Variants in NXN observed in about 807,000 individuals in gnomAD.
NXN encodes nucleoredoxin 1.
In NXN, 16 loss-of-function variants were observed where a neutral mutation model predicts 48.6. That is an observed-to-expected ratio of 0.33 (90% confidence interval 0.22 to 0.50). NXN has a LOEUF of 0.50. Among genes scored for constraint, NXN ranks in the 20% least tolerant of loss-of-function variants. NXN has a pLI of 0.98. For synonymous variants in NXN, 281 were observed against 269.6 expected (o/e 1.04, Z -0.41); for missense variants, 492 against 605.5 (o/e 0.81, Z 1.97).
chr17:974,392 C>G (rs537027220), intron 1 of NXN, among the ~76,000 whole-genome samples: 1 of 152,028 alleles, frequency 6.6e-6, no homozygotes, highest in South Asian at 2.1e-4. Context: ...TATGGATATA[C>G]CTCATAACCG....
At chr17:923,267 A>T (rs56672662) in intron 1 of NXN, among the ~76,000 whole-genome samples, 2,294 of 152,090 alleles carry the variant, frequency 0.015, 73 homozygotes, top group African/African-American at 0.053. Flanking sequence ...GTTTACATCC[A>T]CCTGGGTGCC....
At chr17:864,514 G>A (rs777554280) in intron 1 of NXN, among the ~76,000 whole-genome samples, 2 of 152,158 alleles carry the variant, frequency 1.3e-5, no homozygotes, top group East Asian at 3.8e-4. Context: ...CCGTTCAAAC[G>A]GCTGCCCTGG....
chr17:916,805 G>T (rs1454882721), intron 1 of NXN, among the ~76,000 whole-genome samples: 1 of 152,176 alleles, frequency 6.6e-6, no homozygotes, highest in African/African-American at 2.4e-5. Flanking sequence ...GGCTGAGGCA[G>T]GAGAATCACT....
At chr17:881,397 G>A (rs188837330) in intron 1 of NXN, among the ~76,000 whole-genome samples, 1 of 152,214 alleles carries the variant, frequency 6.6e-6, no homozygotes, top group African/African-American at 2.4e-5. Flanking sequence ...CACCACACTC[G>A]AAAATTTTCC....
intron 1 of NXN, among the ~76,000 whole-genome samples, chr17:935,463 G>A (rs754482981): frequency 1.3e-5 from 2 of 152,142 alleles, no homozygotes; most frequent in East Asian, 1.9e-4. Context: ...CATGGCCGGC[G>A]GGACAAGGAG....
intron 6 of NXN, among the ~76,000 whole-genome samples, chr17:804,334 G>A (rs963484224): frequency 2.0e-4 from 29 of 144,730 alleles, no homozygotes; most frequent in Admixed American, 7.1e-5. Context: ...CCAGGCTGGA[G>A]TGCAGTGGTG....
At chr17:883,588 C>T (rs604229) in intron 1 of NXN, among the ~76,000 whole-genome samples, 18,496 of 152,272 alleles carry the variant, frequency 0.12, 1,300 homozygotes, top group South Asian at 0.23. Context: ...CTCTGGTCTC[C>T]TCTCCATGAA....
At chr17:819,257 A>G (rs1912672071) in intron 5 of NXN, 182 bp downstream of exon 5, 4 of 642,936 alleles carry the variant, frequency 6.2e-6, no homozygotes, top group Non-Finnish European at 1.1e-5. Context: ...GACAATACTT[A>G]TTTTTTAAAA....
chr17:826,399 G>A (rs1321764956), intron 1 of NXN, among the ~76,000 whole-genome samples: 1 of 152,164 alleles, frequency 6.6e-6, no homozygotes, highest in African/African-American at 2.4e-5. Context: ...AACAGCATAG[G>A]GGACTCAGAG....
At chr17:854,480 C>T (rs2144759118) in intron 1 of NXN, among the ~76,000 whole-genome samples, 1 of 149,620 alleles carries the variant, frequency 6.7e-6, no homozygotes, top group East Asian at 2.0e-4. Flanking sequence ...AACCCTGTCT[C>T]TACTAAAAAA....
chr17:812,790 A>G (rs990112009), intron 5 of NXN, among the ~76,000 whole-genome samples: 24 of 132,462 alleles, frequency 1.8e-4, no homozygotes, highest in Non-Finnish European at 3.0e-4. Flanking sequence ...GCATGTGTGT[A>G]GGTGTGTGTG....
intron 1 of NXN, among the ~76,000 whole-genome samples, chr17:963,844 G>A (rs1329650068): frequency 3.9e-5 from 6 of 152,148 alleles, no homozygotes; most frequent in Admixed American, 6.5e-5. Flanking sequence ...TTGGGAGGCC[G>A]AGGAGGGCAG....
At chr17:845,570 C>T (rs1394647265) in intron 1 of NXN, among the ~76,000 whole-genome samples, 6 of 152,234 alleles carry the variant, frequency 3.9e-5, no homozygotes, top group Non-Finnish European at 8.8e-5. Flanking sequence ...GGGTCTACAT[C>T]TTAGACCACT....
chr17:861,803 G>T (rs988160718), intron 1 of NXN, among the ~76,000 whole-genome samples: 19 of 151,918 alleles, frequency 1.3e-4, no homozygotes, highest in Admixed American at 7.9e-4. Context: ...CTAAAAAATG[G>T]AGTGGAAGAA....
intron 1 of NXN, among the ~76,000 whole-genome samples, chr17:957,142 C>G (rs1567518772): frequency 1.3e-5 from 2 of 151,774 alleles, no homozygotes; most frequent in Non-Finnish European, 2.9e-5. Flanking sequence ...GACAAGGCAA[C>G]AACGTGCAAA....
intron 1 of NXN, among the ~76,000 whole-genome samples, chr17:906,789 G>A (rs546392579): frequency 1.2e-4 from 18 of 151,122 alleles, no homozygotes; most frequent in African/African-American, 3.2e-4. Flanking sequence ...GTCTGGTCTC[G>A]AACTCCTGAC....
In NXN at chr17:934,159, C is replaced by G. The variant is rs191876255; in HGVS notation, c.360+45160G>C. Among the ~76,000 whole-genome samples the G allele has an allele frequency of 1.2e-3, 175 of 151,746 alleles. 2 individuals are homozygous for G. Among genetic ancestry groups the G allele is most frequent in the African/African-American group, 4.1e-3 (170 of 41,414 alleles). ...GCTCACGTCTGTAATCCCAGCACCC[C>G]GGGAGGCCGGGCGCGGTGGCTCACG... On this transcript the variant is annotated intron_variant, in intron 1 of 7. Coordinates refer to ENST00000336868, the MANE Select transcript of NXN (RefSeq NM_022463.5).
In NXN at chr17:898,757, G is replaced by A. The variant is rs979502063; in HGVS notation, c.361-72679C>T. 8.7e-4 allele frequency among the ~76,000 whole-genome samples: 61 copies of A among 69,804 alleles called. 24 individuals carry two copies. The highest frequency in any genetic ancestry group is 0.032 in the Middle Eastern group (2 of 62). The allele number at this position is 69,804 out of a possible 152,430, so 45.8% of individuals were successfully genotyped here. A position where few individuals can be genotyped will look rare whatever the true frequency, so the allele number is the denominator to read the frequency against. On this transcript the variant is annotated intron_variant, in intron 1 of 7. Coordinates refer to ENST00000336868, the MANE Select transcript of NXN (RefSeq NM_022463.5). Reference sequence around the variant, plus strand: ...CACACCTATAGTTCCAAGCTGAGGTGGGAGGACTGCTTGAAACTGGGAGGT... The same window carrying A: ...CACACCTATAGTTCCAAGCTGAGGTAGGAGGACTGCTTGAAACTGGGAGGT...
chr17:892,837 G>T (rs569061753), intron 1 of NXN, among the ~76,000 whole-genome samples: 11 of 152,196 alleles, frequency 7.2e-5, no homozygotes, highest in Non-Finnish European at 1.3e-4. Flanking sequence ...AGAACCAACA[G>T]TGTCCAACAC....
Sources: gnomAD v4.1 joint callset for allele counts (sites outside exome capture counted in the v4.1 genomes callset) on GRCh38, gnomAD v4.1.1 for gene constraint, MANE v1.5 for transcripts, NCBI Gene and HGNC (gene_info 2026-07-23, HGNC 2026-07-21) for gene names.